The following PREP variants were observed in gnomAD, a reference collection of about 807,000 sequenced individuals.
PREP encodes prolyl endopeptidase, also known as dJ355L5.1 (prolyl endopeptidase).
PREP carries 29 observed loss-of-function variants against 87.6 expected under a neutral mutation model. The observed-to-expected ratio is 0.33, with a 90% CI of 0.25 to 0.45. The LOEUF (loss-of-function observed/expected upper bound fraction) is 0.45. PREP is among the 20% of genes least tolerant of loss of function. PREP has a pLI of 1.00. For missense variants in PREP, 695 were observed against 886.5 expected (o/e 0.78, Z 2.74); for synonymous variants, 337 against 328.6 (o/e 1.03, Z -0.28).
Position 105,402,982 on chromosome 6 carries a change from C to G in PREP, c.-91G>C. On this transcript the variant is annotated 5_prime_UTR_variant, in exon 1 of 15. Coordinates refer to ENST00000652536, the MANE Select transcript of PREP (RefSeq NM_002726.5). ...GGCTGGCCGCGAGGCGCGGCTGGGG[C>G]GCAGGCAGCTGCGGGGCGGCCGGCG... is the stretch of plus-strand genomic sequence containing the variant. 1 of 607,024 alleles carries G rather than the reference C, an allele frequency of 1.6e-6. No individual in the cohort carries two copies. Among genetic ancestry groups the G allele is most frequent in the Non-Finnish European group, 2.4e-6 (1 of 422,376 alleles). 37.6% of individuals were successfully genotyped at this position (607,024 alleles called of 1,614,324 possible).
rs546281034 is a variant in PREP, at chr6:105,376,219, C to T, written c.291G>A (p.Gln97=). Residue 97 remains glutamine, a synonymous_variant, in exon 4 of 15, where the codon CAG becomes CAA. Coordinates refer to ENST00000652536, the MANE Select transcript of PREP (RefSeq NM_002726.5). ...AGGAATCCTGTACATATAATACTCG[C>T]TGGTTCTGCAAACCTGTATTGTAAA... ...FYFYNTGLQN[Q]RVLYVQDSLE... The T allele has an allele frequency of 8.1e-6, 13 of 1,613,704 alleles. No homozygotes were observed. The African/African-American group carries it at 1.5e-4, about 18-fold the overall frequency.
At chr6:105,368,862 AAC>A (rs1440660325) in intron 6 of PREP, 39 bp downstream of exon 6, 9 of 1,607,878 alleles carry the variant, frequency 5.6e-6, no homozygotes, top group Non-Finnish European at 7.7e-6. Context: ...ACATCCATGA[AAC>A]ACAGTCTTTG....
At chr6:105,285,358 G>T in intron 12 of PREP, 128 bp downstream of exon 12, 1 of 784,594 alleles carries the variant, frequency 1.3e-6, no homozygotes, top group Non-Finnish European at 2.0e-6. Context: ...TAATATCCTT[G>T]TTTTTCATTC....
At chr6:105,359,873 G>A (rs1363206959) in intron 6 of PREP, among the ~76,000 whole-genome samples, 1 of 152,160 alleles carries the variant, frequency 6.6e-6, no homozygotes, top group Non-Finnish European at 1.5e-5. Context: ...TTGCATCACA[G>A]CTGAAGTTCT....
At chr6:105,287,426 C>T (rs1476085293) in intron 11 of PREP, among the ~76,000 whole-genome samples, 3 of 152,084 alleles carry the variant, frequency 2.0e-5, no homozygotes, top group Non-Finnish European at 2.9e-5. Flanking sequence ...TGTTCTACAT[C>T]GTGATTTTAC....
At chr6:105,335,070 T>C (rs1037848403) in intron 7 of PREP, among the ~76,000 whole-genome samples, 4 of 152,192 alleles carry the variant, frequency 2.6e-5, no homozygotes, top group Non-Finnish European at 4.4e-5. Flanking sequence ...GAGATGATCA[T>C]CACTAAAGTA....
chr6:105,365,178 C>G (rs575697848), intron 6 of PREP, among the ~76,000 whole-genome samples: 1 of 152,184 alleles, frequency 6.6e-6, no homozygotes, highest in Admixed American at 6.5e-5. Flanking sequence ...ACTTGGGAAG[C>G]GGAGGTTGCA....
intron 2 of PREP, among the ~76,000 whole-genome samples, chr6:105,397,185 C>CAAA (rs67107334): frequency 1.2e-5 from 1 of 86,844 alleles, no homozygotes; most frequent in East Asian, 3.9e-4. Flanking sequence ...ACTCTGTCTA[C>CAAA]AAAAAAAAAA....
chr6:105,323,559 T>C (rs1478256034), intron 10 of PREP, 106 bp downstream of exon 10: 2 of 1,021,344 alleles, frequency 2.0e-6, no homozygotes, highest in Non-Finnish European at 3.0e-6. Flanking sequence ...AAAATACTAG[T>C]TGTCATGAAT....
intron 7 of PREP, among the ~76,000 whole-genome samples, chr6:105,338,714 T>C (rs1366761690): frequency 6.6e-6 from 1 of 152,188 alleles, no homozygotes; most frequent in Non-Finnish European, 1.5e-5. Context: ...CCAACGGTCT[T>C]AGCAAATGGC....
At chr6:105,301,183 G>A (rs1319351731) in intron 10 of PREP, among the ~76,000 whole-genome samples, 1 of 152,256 alleles carries the variant, frequency 6.6e-6, no homozygotes, top group Non-Finnish European at 1.5e-5. Flanking sequence ...TCAGACAGAA[G>A]AATGTCTGGT....
intron 5 of PREP, among the ~76,000 whole-genome samples, chr6:105,372,397 C>G (rs569378657): frequency 6.6e-6 from 1 of 152,174 alleles, no homozygotes; most frequent in Non-Finnish European, 1.5e-5. Flanking sequence ...GATTGTAAAA[C>G]TTACCTGTAA....
In PREP at chr6:105,376,187, C is replaced by T; in HGVS notation, c.323G>A (p.Gly108Asp). ...RVLYVQDSLE[G>D]EARVFLDPNI... ...GGGGTCCAGGAACACTCTGGCCTCA[C>T]CCTCTAAGGAATCCTGTACATATAA... is the stretch of plus-strand genomic sequence containing the variant. The change falls in exon 4 of 15, where the codon GGT becomes GAT. Residue 108 changes from glycine (G) to aspartate (D), a missense_variant. Transcript: ENST00000652536. 6.2e-7 allele frequency: 1 copy of T among 1,613,938 alleles called. No individual in the cohort carries two copies. Among genetic ancestry groups the T allele is most frequent in the Middle Eastern group, 1.7e-4 (1 of 6,056 alleles).
chr6:105,356,286 C>T (rs574569408), intron 6 of PREP, among the ~76,000 whole-genome samples: 1 of 152,152 alleles, frequency 6.6e-6, no homozygotes, highest in Non-Finnish European at 1.5e-5. Context: ...TAAGGCATAG[C>T]TTCTCTGAGG....
chr6:105,288,718 A>G (rs553084161), intron 11 of PREP, 40 bp downstream of exon 11: 1 of 1,608,506 alleles, frequency 6.2e-7, no homozygotes, highest in Admixed American at 1.7e-5. Context: ...CTATATGGAA[A>G]AGATAAAATA....
intron 6 of PREP, among the ~76,000 whole-genome samples, chr6:105,367,435 A>G (rs1384596693): frequency 6.6e-6 from 1 of 152,184 alleles, no homozygotes; most frequent in Non-Finnish European, 1.5e-5. Flanking sequence ...GACAATTGGG[A>G]GGCCGAAGCG....
chr6:105,382,627 G>A (rs1204892762), intron 2 of PREP, among the ~76,000 whole-genome samples: 1 of 152,052 alleles, frequency 6.6e-6, no homozygotes, highest in Middle Eastern at 3.4e-3. Context: ...ACACTACAAT[G>A]TGCACCATGG....
At chr6:105,391,157 G>T (rs1249454612) in intron 2 of PREP, among the ~76,000 whole-genome samples, 1 of 137,218 alleles carries the variant, frequency 7.3e-6, no homozygotes, top group Non-Finnish European at 1.5e-5. Flanking sequence ...GCCTCAAGTG[G>T]ATCACTTGAG....
intron 10 of PREP, among the ~76,000 whole-genome samples, chr6:105,289,621 A>T (rs528184963): frequency 2.6e-4 from 39 of 152,308 alleles, no homozygotes; most frequent in African/African-American, 7.5e-4. Context: ...AAAGGATTTT[A>T]AAAAAAGCCA....
Sources: allele counts gnomAD v4.1 joint callset (sites outside exome capture counted in the v4.1 genomes callset), GRCh38; gene constraint gnomAD v4.1.1; transcripts MANE v1.5; gene names NCBI Gene and HGNC (gene_info 2026-07-23, HGNC 2026-07-21).